The following OLFM3 variants were observed in gnomAD, a reference collection of about 807,000 sequenced individuals.
OLFM3 encodes the protein noelin-3.
Under a neutral mutation model 48.6 loss-of-function variants are expected in OLFM3, and 20 were observed. The ratio of observed to expected loss-of-function variants is 0.41; its 90% CI spans 0.29 to 0.60. The LOEUF (loss-of-function observed/expected upper bound fraction) is 0.60, where lower values mean the gene tolerates loss of function less well. OLFM3 is among the 20% of genes least tolerant of loss of function. The pLI, the probability that OLFM3 is intolerant of heterozygous loss-of-function variation, is 0.28. For synonymous variants in OLFM3, 222 were observed against 198.1 expected, an observed-to-expected ratio of 1.12 and a Z score of -1.01; for missense variants, 437 against 544.3, an observed-to-expected ratio of 0.80 and a Z score of 1.96.
intron 1 of OLFM3, among the ~76,000 whole-genome samples, chr1:101,942,049 G>A (rs1314785069): frequency 6.6e-6 from 1 of 152,126 alleles, no homozygotes; most frequent in South Asian, 2.1e-4. Flanking sequence ...ACCCTAGGAC[G>A]AAGGGATTTT....
At chr1:101,901,862 G>C (rs920703982) in intron 1 of OLFM3, among the ~76,000 whole-genome samples, 18 of 152,046 alleles carry the variant, frequency 1.2e-4, no homozygotes, top group African/African-American at 3.9e-4. Flanking sequence ...TGATTTAAAT[G>C]CTACAGGTAA....
intron 1 of OLFM3, among the ~76,000 whole-genome samples, chr1:101,927,408 GA>G (rs1451293134): frequency 6.6e-6 from 1 of 151,886 alleles, no homozygotes; most frequent in Admixed American, 6.6e-5. Context: ...CACATCACTC[GA>G]AATTTTCTTT....
chr1:101,808,035 A>G (rs950904542), intron 4 of OLFM3, among the ~76,000 whole-genome samples: 1 of 151,858 alleles, frequency 6.6e-6, no homozygotes, highest in Non-Finnish European at 1.5e-5. Context: ...TGTCCTATAT[A>G]CATTTTTTAA....
chr1:101,880,737 T>TCTG (rs1341884043), intron 1 of OLFM3, among the ~76,000 whole-genome samples: 8 of 151,894 alleles, frequency 5.3e-5, no homozygotes, highest in African/African-American at 1.9e-4. Context: ...GACTGAGCTT[T>TCTG]CTGCTGCAAA....
chr1:101,913,389 A>T (rs1019625260), intron 1 of OLFM3, among the ~76,000 whole-genome samples: 5 of 152,198 alleles, frequency 3.3e-5, no homozygotes, highest in Non-Finnish European at 7.4e-5. Context: ...TTCTTGGAAA[A>T]GGAGTATTAC....
chr1:101,924,338 T>C (rs1444595348), intron 1 of OLFM3, among the ~76,000 whole-genome samples: 3 of 152,190 alleles, frequency 2.0e-5, no homozygotes, highest in Admixed American at 1.3e-4. Flanking sequence ...ATGGATTTTA[T>C]TTTTATTCTT....
intron 1 of OLFM3, among the ~76,000 whole-genome samples, chr1:101,989,314 A>C (rs1661334275): frequency 6.6e-6 from 1 of 152,124 alleles, no homozygotes; most frequent in African/African-American, 2.4e-5. Flanking sequence ...TTTAAAGCAA[A>C]AAAGAATCAA....
intron 4 of OLFM3, among the ~76,000 whole-genome samples, chr1:101,824,124 G>A (rs1024442269): frequency 5.3e-5 from 8 of 151,970 alleles, no homozygotes; most frequent in Non-Finnish European, 1.0e-4. Flanking sequence ...GTGTGTGTGT[G>A]TGCTTTACTT....
intron 1 of OLFM3, among the ~76,000 whole-genome samples, chr1:101,929,976 A>C (rs1182101357): frequency 6.6e-6 from 1 of 152,118 alleles, no homozygotes; most frequent in Non-Finnish European, 1.5e-5. Flanking sequence ...TATAGAGGAA[A>C]AGGGTAGTAT....
intron 4 of OLFM3, among the ~76,000 whole-genome samples, chr1:101,807,561 CT>C (rs1287162285): frequency 1.3e-5 from 2 of 151,686 alleles, no homozygotes; most frequent in African/African-American, 2.4e-5. Flanking sequence ...TCTATATGTG[CT>C]TCTTATAAGA....
chr1:101,858,383 G>A (rs930109915), intron 1 of OLFM3, among the ~76,000 whole-genome samples: 7 of 151,948 alleles, frequency 4.6e-5, no homozygotes, highest in Non-Finnish European at 1.0e-4. Context: ...TAGAGATCAG[G>A]AACTAATGCA....
chr1:101,806,252 A>C lies in OLFM3; in HGVS notation c.593-70T>G. ...GATTCCAATACGCATACTCACACTA[A>C]GAGCAAAGAAGGGGATCATAAAACT... is the stretch of plus-strand genomic sequence containing the variant. On this transcript the variant is annotated intron_variant, in intron 4 of 5. Coordinates refer to ENST00000370103, the MANE Select transcript of OLFM3 (RefSeq NM_058170.4). The C allele has an allele frequency of 3.6e-6, 4 of 1,110,536 alleles. No individual in the cohort carries two copies. The South Asian group carries it at 3.8e-5, about 11-fold the overall frequency. 68.8% of individuals were successfully genotyped at this position (1,110,536 alleles called of 1,614,324 possible). A position where few individuals can be genotyped will look rare whatever the true frequency, so the allele number is the denominator to read the frequency against.
chr1:101,809,476 A>G (rs1175111245), intron 4 of OLFM3, among the ~76,000 whole-genome samples: 1 of 151,902 alleles, frequency 6.6e-6, no homozygotes, highest in Non-Finnish European at 1.5e-5. Context: ...ATATTTTTTA[A>G]CATGTGCACT....
rs184904939 is a variant in OLFM3 at position 101,948,498 on chromosome 1, T to C, written c.69+48250A>G. On this transcript the variant is annotated intron_variant, in intron 1 of 5. Transcript: ENST00000370103. ...GTTTTCGCTTAAGACTTGAGTCAGA[T>C]TTGTTTAGGTAATTTTTTTTGCCAA... Among the ~76,000 whole-genome samples the C allele has an allele frequency of 2.6e-3, 397 of 152,204 alleles. 1 individual carries two copies. Among genetic ancestry groups the C allele is most frequent in the African/African-American group, 9.2e-3 (381 of 41,554 alleles).
rs556864879 is a variant in OLFM3, at chr1:101,933,783, A to G, written c.69+62965T>C. ...TGGAACTTTCAACAGAAACCCTACAAGCAAGAAGAGACTGGGGGCCTATAT... is the reference window on the plus strand; with the variant it reads ...TGGAACTTTCAACAGAAACCCTACAGGCAAGAAGAGACTGGGGGCCTATAT... On this transcript the variant is annotated intron_variant, in intron 1 of 5. Transcript: ENST00000370103. 1.8e-4 allele frequency among the ~76,000 whole-genome samples: 28 copies of G among 152,342 alleles called. 1 individual carries two copies. In the South Asian group the frequency reaches 5.6e-3, roughly 30 times the overall value.
intron 4 of OLFM3, among the ~76,000 whole-genome samples, 184 bp from the exon 5 acceptor site, chr1:101,806,366 G>A (rs987799514): frequency 2.0e-5 from 3 of 151,768 alleles, no homozygotes; most frequent in Non-Finnish European, 2.9e-5. Flanking sequence ...TGAACCATGA[G>A]GAGTTGCTTT....
Position 101,956,103 on chromosome 1 carries a change from T to TTTTTTTTTTTA in OLFM3, c.69+40644_69+40645insTAAAAAAAAAA, listed in dbSNP as rs781231551. ...AATAACAGGTTTTTTTTTTTTTTTT[T>TTTTTTTTTTTA]AAAAAAAACCTTTACAGAATTTTCT... is the stretch of plus-strand genomic sequence containing the variant. On this transcript the variant is annotated intron_variant, in intron 1 of 5. Coordinates refer to ENST00000370103, the MANE Select transcript of OLFM3 (RefSeq NM_058170.4). Among the ~76,000 whole-genome samples the TTTTTTTTTTTA allele has an allele frequency of 5.8e-3, 828 of 142,918 alleles. 10 individuals are homozygous for TTTTTTTTTTTA. Among genetic ancestry groups the TTTTTTTTTTTA allele is most frequent in the African/African-American group, 0.021 (776 of 37,590 alleles). The allele number at this position is 142,918 out of a possible 152,430, so 93.8% of individuals were successfully genotyped here.
At position 101,804,455 on chromosome 1, in the gene OLFM3, G is replaced by A. The variant is rs1653660715; in HGVS notation, c.1160C>T (p.Thr387Ile). The A allele has an allele frequency of 6.2e-7, 1 of 1,612,520 alleles. No individual in the cohort carries two copies. The highest frequency in any genetic ancestry group is 8.5e-7 in the Non-Finnish European group (1 of 1,179,026). ...CTTGGCTCCAGTTAAGTGGGAGTTG[G>A]TGACATACAGTGTCCCACAGATCAT... Reference protein sequence around the residue: ...SFMICGTLYVTNSHLTGAKVY... With the variant: ...SFMICGTLYVINSHLTGAKVY... Residue 387 changes from threonine (T) to isoleucine (I), a missense_variant, in exon 6 of 6, where the codon ACC (threonine) becomes ATC (isoleucine). By Grantham distance (89) the Thr-to-Ile change is moderately conservative (BLOSUM62 -1). Transcript: ENST00000370103. This position sits in a 1 kb window ranked among gnomAD's most constrained non-coding sequence, Gnocchi z 4.5.
intron 1 of OLFM3, among the ~76,000 whole-genome samples, chr1:101,892,098 C>A (rs932314586): frequency 6.6e-6 from 1 of 151,884 alleles, no homozygotes; most frequent in African/African-American, 2.4e-5. Context: ...TGTGGCCCTG[C>A]TAGACAAGAA....
Sources: gnomAD v4.1 joint callset for allele counts (sites outside exome capture counted in the v4.1 genomes callset) on GRCh38, gnomAD v4.1.1 for gene constraint, Gnocchi (gnomAD v3.1) non-coding constraint, MANE v1.5 for transcripts, NCBI Gene and HGNC (gene_info 2026-07-23, HGNC 2026-07-21) for gene names.